The following CNTNAP2 variants were observed in gnomAD, a reference collection of about 807,000 sequenced individuals.
CNTNAP2 encodes the protein contactin-associated protein-like 2.
CNTNAP2 carries 98 observed loss-of-function variants against 155.2 expected under a neutral mutation model. The ratio of observed to expected loss-of-function variants is 0.63; its 90% CI spans 0.54 to 0.75. The LOEUF (loss-of-function observed/expected upper bound fraction) is 0.75. CNTNAP2 is among the 30% of genes least tolerant of loss of function. The pLI, the probability that CNTNAP2 is intolerant of heterozygous loss-of-function variation, is 0.00. For synonymous variants in CNTNAP2, 651 were observed against 631.2 expected (o/e 1.03, Z -0.47); for missense variants, 1,727 against 1,688.1 (o/e 1.02, Z -0.40).
chr7:147,450,738 AT>A (rs1563208593), intron 10 of CNTNAP2, among the ~76,000 whole-genome samples: 1 of 152,216 alleles, frequency 6.6e-6, no homozygotes, highest in Non-Finnish European at 1.5e-5. Flanking sequence ...ATGCCAGTAA[AT>A]TAATAAGCCA....
chr7:146,302,678 T>C (rs1417370733), intron 1 of CNTNAP2, among the ~76,000 whole-genome samples: 5 of 152,004 alleles, frequency 3.3e-5, no homozygotes, highest in Non-Finnish European at 7.4e-5. Context: ...GCCTCTTGAG[T>C]CCCGAGTGAT....
intron 13 of CNTNAP2, among the ~76,000 whole-genome samples, chr7:147,641,346 G>T (rs1795275444): frequency 6.6e-6 from 1 of 152,174 alleles, no homozygotes; most frequent in Non-Finnish European, 1.5e-5. Flanking sequence ...TGGAAAGGAG[G>T]GTGGGAGTAA....
intron 13 of CNTNAP2, among the ~76,000 whole-genome samples, chr7:147,789,384 A>G (rs1485137658): frequency 6.6e-6 from 1 of 152,148 alleles, no homozygotes; most frequent in African/African-American, 2.4e-5. Flanking sequence ...TATTTTCTAA[A>G]ATACAAATCC....
intron 3 of CNTNAP2, among the ~76,000 whole-genome samples, chr7:146,954,275 C>T (rs1212892463): frequency 2.6e-5 from 4 of 151,998 alleles, no homozygotes; most frequent in Non-Finnish European, 5.9e-5. Context: ...ATTGAATGGA[C>T]ACACAGCAGA....
At chr7:148,050,118 C>G (rs888148218) in intron 15 of CNTNAP2, among the ~76,000 whole-genome samples, 4 of 152,180 alleles carry the variant, frequency 2.6e-5, no homozygotes, top group African/African-American at 9.7e-5. Flanking sequence ...CAAGATCGCG[C>G]CACTGCACTC....
At chr7:148,382,164 A>G (rs773445598) in intron 21 of CNTNAP2, among the ~76,000 whole-genome samples, 40 of 152,254 alleles carry the variant, frequency 2.6e-4, no homozygotes, top group Admixed American at 1.3e-3. Context: ...CCTGCCATCC[A>G]GCCCCAGCTT....
intron 3 of CNTNAP2, among the ~76,000 whole-genome samples, chr7:146,937,748 C>T (rs1055332426): frequency 6.6e-6 from 1 of 151,920 alleles, no homozygotes; most frequent in East Asian, 1.9e-4. Flanking sequence ...TAATGCCAAC[C>T]TAAAATAATT....
chr7:147,719,707 A>AT (rs1386818252), intron 13 of CNTNAP2, among the ~76,000 whole-genome samples: 2 of 152,150 alleles, frequency 1.3e-5, no homozygotes, highest in Non-Finnish European at 2.9e-5. Flanking sequence ...TTTGAATAAT[A>AT]TTAAAAACAA....
intron 13 of CNTNAP2, among the ~76,000 whole-genome samples, chr7:147,651,493 C>T (rs1046315805): frequency 6.6e-6 from 1 of 152,202 alleles, no homozygotes; most frequent in Non-Finnish European, 1.5e-5. Context: ...TTAATATGAA[C>T]TACTGATAAA....
At chr7:146,951,667 A>G (rs1797316017) in intron 3 of CNTNAP2, among the ~76,000 whole-genome samples, 1 of 152,122 alleles carries the variant, frequency 6.6e-6, no homozygotes, top group African/African-American at 2.4e-5. Flanking sequence ...CTGTTTTGTT[A>G]CCAGTACCAT....
At chr7:146,708,587 G>GTTTTTTTTTTTT (rs1377602688) in intron 1 of CNTNAP2, among the ~76,000 whole-genome samples, 1 of 67,394 alleles carries the variant, frequency 1.5e-5, no homozygotes, top group Non-Finnish European at 2.6e-5. Flanking sequence ...AAAAAAAAGT[G>GTTTTTTTTTTTT]ATTTTTTTTT....
intron 21 of CNTNAP2, among the ~76,000 whole-genome samples, chr7:148,347,750 G>A (rs937940315): frequency 6.6e-6 from 1 of 152,212 alleles, no homozygotes; most frequent in Admixed American, 6.5e-5. Flanking sequence ...GAGAAAAGCA[G>A]GAGAAAGCAG....
At chr7:146,117,313 G>A (rs1292459101) in intron 1 of CNTNAP2, 1 of 256,004 alleles carries the variant, frequency 3.9e-6, no homozygotes, top group East Asian at 7.6e-5. Context: ...AGGTAGGTCA[G>A]TGAATGAAAA....
chr7:147,801,853 G>C (rs541749637), intron 13 of CNTNAP2, among the ~76,000 whole-genome samples: 2,022 of 61,254 alleles, frequency 0.033, 26 homozygotes, highest in Middle Eastern at 0.064. Flanking sequence ...CCTCCCAGAC[G>C]GGGGGGGCGG....
At chr7:147,740,947 T>C (rs1404739) in intron 13 of CNTNAP2, among the ~76,000 whole-genome samples, 1 of 152,264 alleles carries the variant, frequency 6.6e-6, no homozygotes, top group East Asian at 1.9e-4. Context: ...TGTCAGAGTT[T>C]TCCCAACTGG....
At chr7:146,323,337 T>A (rs1484008383) in intron 1 of CNTNAP2, among the ~76,000 whole-genome samples, 1 of 152,094 alleles carries the variant, frequency 6.6e-6, no homozygotes, top group African/African-American at 2.4e-5. Flanking sequence ...TAAAAGAAAG[T>A]AAAATCTTTG....
chr7:147,863,321 A>G (rs558393665), intron 13 of CNTNAP2, among the ~76,000 whole-genome samples: 5 of 152,202 alleles, frequency 3.3e-5, no homozygotes, highest in East Asian at 1.9e-4. Context: ...TCTTAATCCA[A>G]TCTATCATTG....
Position 147,688,765 on chromosome 7 carries a change from G to A in CNTNAP2, c.2098+49459G>A, listed in dbSNP as rs372461359. Reference sequence around the variant, plus strand: ...TGCAGAGAAGAGGGCAAATTAAACTGGAGGTCCACCTTACAAGAATTTTGT... The same window carrying A: ...TGCAGAGAAGAGGGCAAATTAAACTAGAGGTCCACCTTACAAGAATTTTGT... On this transcript the variant is annotated intron_variant, in intron 13 of 23. Transcript: ENST00000361727. Among the ~76,000 whole-genome samples, 5 of 152,228 alleles carry A rather than the reference G, an allele frequency of 3.3e-5. 1 individual carries two copies. Among genetic ancestry groups the A allele is most frequent in the African/African-American group, 1.2e-4 (5 of 41,540 alleles).
chr7:147,638,334 C>T (rs866000717), intron 12 of CNTNAP2, among the ~76,000 whole-genome samples: 1 of 152,112 alleles, frequency 6.6e-6, no homozygotes, highest in South Asian at 2.1e-4. Flanking sequence ...GTCTGGTGCA[C>T]GAGGTCAGTC....
Sources: allele counts gnomAD v4.1 joint callset (sites outside exome capture counted in the v4.1 genomes callset), GRCh38; gene constraint gnomAD v4.1.1; transcripts MANE v1.5; gene names NCBI Gene and HGNC (gene_info 2026-07-23, HGNC 2026-07-21).